The following PAFAH1B1 variants were observed in gnomAD, a reference collection of about 807,000 sequenced individuals.
The protein encoded by PAFAH1B1 is platelet-activating factor acetylhydrolase IB subunit beta.
In PAFAH1B1, 2 loss-of-function variants were observed where a neutral mutation model predicts 57.5. That is an observed-to-expected ratio of 0.03 (90% CI 0.01 to 0.11). The LOEUF (loss-of-function observed/expected upper bound fraction) is 0.11. PAFAH1B1 is among the 10% of genes least tolerant of loss of function. The probability of loss-of-function intolerance (pLI) is 1.00; values close to 1 mark genes in which losing one functional copy is unlikely to be tolerated. For synonymous variants in PAFAH1B1, 152 were observed against 169.6 expected, an observed-to-expected ratio of 0.90 and a Z score of 0.81; for missense variants, 257 against 512.0, an observed-to-expected ratio of 0.50 and a Z score of 4.81.
Position 2,673,405 on chromosome 17 carries a change from A to C in PAFAH1B1, c.671+648A>C, listed in dbSNP as rs374661527. Among the ~76,000 whole-genome samples, 1,235 of 152,042 alleles carry C rather than the reference A, an allele frequency of 8.1e-3. 7 individuals are homozygous for C. The highest frequency in any genetic ancestry group is 0.012 in the Non-Finnish European group (828 of 67,960). On this transcript the variant is annotated intron_variant, in intron 7 of 10. Transcript: ENST00000397195. ...CTGTAATCCCAGCACTTTGGGAGGC[A>C]GAGGCGGGCGGATCATGAGGTCAGG... is the stretch of plus-strand genomic sequence containing the variant.
intron 1 of PAFAH1B1, among the ~76,000 whole-genome samples, chr17:2,598,791 G>A (rs1246954187): frequency 6.6e-6 from 1 of 152,138 alleles, no homozygotes; most frequent in African/African-American, 2.4e-5. Context: ...TTATGTAAGC[G>A]TAATAGTTAA....
At chr17:2,612,284 A>T (rs961413489) in intron 1 of PAFAH1B1, among the ~76,000 whole-genome samples, 1 of 150,976 alleles carries the variant, frequency 6.6e-6, no homozygotes, top group African/African-American at 2.4e-5. Flanking sequence ...ACTCACTGCA[A>T]CCTCCGCCTC....
intron 1 of PAFAH1B1, among the ~76,000 whole-genome samples, chr17:2,616,998 G>C (rs553754205): frequency 6.6e-6 from 1 of 151,978 alleles, no homozygotes; most frequent in South Asian, 2.1e-4. Flanking sequence ...GTGTGAACCC[G>C]GGAGGCAGAG....
chr17:2,676,288 G>A, intron 8 of PAFAH1B1: 2 of 484,298 alleles, frequency 4.1e-6, no homozygotes, highest in Middle Eastern at 6.0e-4. Flanking sequence ...TGAGGCAGGA[G>A]ATTCGCTTGA....
chr17:2,620,252 G>C (rs1461240405), intron 1 of PAFAH1B1, among the ~76,000 whole-genome samples: 1 of 152,166 alleles, frequency 6.6e-6, no homozygotes, highest in African/African-American at 2.4e-5. Context: ...GTAAGGTAAT[G>C]TTGCTTTATG....
At chr17:2,626,365 A>G (rs953670872) in intron 1 of PAFAH1B1, among the ~76,000 whole-genome samples, 1 of 152,216 alleles carries the variant, frequency 6.6e-6, no homozygotes. Context: ...TGATAACTCA[A>G]TCATATACTT....
At chr17:2,625,022 T>TG (rs1326409494) in intron 1 of PAFAH1B1, among the ~76,000 whole-genome samples, 1 of 144,810 alleles carries the variant, frequency 6.9e-6, no homozygotes, top group African/African-American at 2.6e-5. Context: ...TTATACTTTC[T>TG]ATTTTTTTTT....
chr17:2,669,727 C>G (rs1307327414), intron 5 of PAFAH1B1, among the ~76,000 whole-genome samples: 4 of 152,092 alleles, frequency 2.6e-5, no homozygotes, highest in African/African-American at 9.7e-5. Flanking sequence ...ATACAAATGC[C>G]TGCTATAGCC....
At chr17:2,645,942 T>C (rs1255537332) in intron 2 of PAFAH1B1, among the ~76,000 whole-genome samples, 3 of 151,768 alleles carry the variant, frequency 2.0e-5, no homozygotes, top group African/African-American at 7.3e-5. Flanking sequence ...GGAGTTGAGA[T>C]TAAAATAAAA....
At chr17:2,617,444 G>T (rs148782245) in intron 1 of PAFAH1B1, among the ~76,000 whole-genome samples, 1 of 152,138 alleles carries the variant, frequency 6.6e-6, no homozygotes, top group African/African-American at 2.4e-5. Context: ...AGCTGTAAAA[G>T]AATTTTACAA....
chr17:2,678,435 G>A (rs921566874), intron 9 of PAFAH1B1, among the ~76,000 whole-genome samples: 4 of 147,594 alleles, frequency 2.7e-5, no homozygotes, highest in Non-Finnish European at 6.0e-5. Context: ...GCATGGTGGC[G>A]CACGTCTGTA....
At position 2,664,399 on chromosome 17, in the gene PAFAH1B1, C is replaced by T. The variant is rs1398366592; in HGVS notation, c.33-973C>T. 4.0e-5 allele frequency among the ~76,000 whole-genome samples: 6 copies of T among 150,574 alleles called. No individual in the cohort carries two copies. In the East Asian group the frequency reaches 1.2e-3, roughly 29 times the overall value. On this transcript the variant is annotated intron_variant, in intron 2 of 10. Coordinates refer to ENST00000397195, the MANE Select transcript of PAFAH1B1 (RefSeq NM_000430.4). ...GTGGGATTACAGGCATGTGCCACCA[C>T]ACCTGGCCTTTTTTTTTTTTTTTTG...
intron 2 of PAFAH1B1, among the ~76,000 whole-genome samples, chr17:2,664,810 G>A (rs765681272): frequency 6.6e-5 from 10 of 151,860 alleles, no homozygotes; most frequent in Non-Finnish European, 1.2e-4. Context: ...TAACCTTCAA[G>A]TTCTAATTCT....
intron 2 of PAFAH1B1, among the ~76,000 whole-genome samples, chr17:2,662,286 G>T (rs2069025522): frequency 6.6e-6 from 1 of 151,930 alleles, no homozygotes; most frequent in South Asian, 2.1e-4. Flanking sequence ...CTTAGGATCT[G>T]TTTGCTCATG....
intron 1 of PAFAH1B1, among the ~76,000 whole-genome samples, chr17:2,605,597 T>C (rs1430631655): frequency 6.6e-6 from 1 of 152,216 alleles, no homozygotes; most frequent in African/African-American, 2.4e-5. Context: ...CTGTTCCTTT[T>C]GCTGCTTTGA....
At chr17:2,661,442 T>G (rs1335771696) in intron 2 of PAFAH1B1, among the ~76,000 whole-genome samples, 5 of 152,230 alleles carry the variant, frequency 3.3e-5, no homozygotes, top group Admixed American at 2.6e-4. Flanking sequence ...TGCTTGTTTT[T>G]GTCAGGTTTG....
intron 9 of PAFAH1B1, among the ~76,000 whole-genome samples, chr17:2,677,889 A>G (rs1402944321): frequency 5.9e-5 from 9 of 152,050 alleles, no homozygotes; most frequent in African/African-American, 1.7e-4. Flanking sequence ...AAAGAAAATG[A>G]AACTCTCCTC....
intron 2 of PAFAH1B1, among the ~76,000 whole-genome samples, chr17:2,650,141 T>A (rs2068828934): frequency 1.3e-5 from 2 of 152,122 alleles, no homozygotes; most frequent in Non-Finnish European, 2.9e-5. Flanking sequence ...TCCCTGCGCT[T>A]TGGGAGGCCA....
Position 2,593,735 on chromosome 17 carries a change from G to T in PAFAH1B1, c.-462G>T. On this transcript the variant is annotated 5_prime_UTR_variant, in exon 1 of 11. Transcript: ENST00000397195. ...AGCGAGCGGAGGAGCAGCGACACGG[G>T]AGTCTAGGGAGCGAGAAGGAGAAGG... 1 of 367,860 alleles carries T rather than the reference G, an allele frequency of 2.7e-6. No homozygotes were observed. Among genetic ancestry groups the T allele is most frequent in the Non-Finnish European group, 4.8e-6 (1 of 206,874 alleles). 22.8% of individuals were successfully genotyped at this position (367,860 alleles called of 1,614,324 possible). A position where few individuals can be genotyped will look rare whatever the true frequency, so the allele number is the denominator to read the frequency against.
Sources: allele counts gnomAD v4.1 joint callset (sites outside exome capture counted in the v4.1 genomes callset), GRCh38; gene constraint gnomAD v4.1.1; transcripts MANE v1.5; gene names NCBI Gene and HGNC (gene_info 2026-07-23, HGNC 2026-07-21).